PLCXD3: variants seen among roughly 807,000 people sequenced by gnomAD.
PLCXD3 encodes the protein phosphatidylinositol specific phospholipase C X domain containing 3, also known as PI-PLC X domain-containing protein 3.
Under a neutral mutation model 25.5 loss-of-function variants are expected in PLCXD3, and 19 were observed. The observed-to-expected ratio is 0.75, with a 90% CI of 0.52 to 1.09. The LOEUF (loss-of-function observed/expected upper bound fraction) is 1.09. Among genes scored for constraint, PLCXD3 ranks in the 50% least tolerant of loss-of-function variants. The probability of loss-of-function intolerance (pLI) is 0.00; values close to 1 mark genes in which losing one functional copy is unlikely to be tolerated. For missense variants in PLCXD3, 411 were observed against 388.1 expected (o/e 1.06, Z -0.50); for synonymous variants, 174 against 137.6 (o/e 1.26, Z -1.85).
chr5:41,366,548 C>CT (rs1744941962), intron 2 of PLCXD3, among the ~76,000 whole-genome samples: 1 of 152,198 alleles, frequency 6.6e-6, no homozygotes, highest in African/African-American at 2.4e-5. Flanking sequence ...AAAGAGAAGA[C>CT]TATGTTAATA....
chr5:41,394,377 C>A (rs1214473062), intron 1 of PLCXD3, among the ~76,000 whole-genome samples: 2 of 152,022 alleles, frequency 1.3e-5, no homozygotes, highest in Admixed American at 1.3e-4. Flanking sequence ...ACCTTCACTA[C>A]AGGAAGACAG....
chr5:41,503,705 A>G (rs1036340052), intron 1 of PLCXD3, among the ~76,000 whole-genome samples: 2 of 152,138 alleles, frequency 1.3e-5, no homozygotes, highest in Non-Finnish European at 2.9e-5. Context: ...GGAATATATG[A>G]TATAGACAAT....
intron 1 of PLCXD3, among the ~76,000 whole-genome samples, chr5:41,384,593 A>G (rs1229286266): frequency 6.6e-6 from 1 of 152,114 alleles, no homozygotes; most frequent in Non-Finnish European, 1.5e-5. Context: ...ATTAAGTATA[A>G]CTAGATTTCT....
chr5:41,509,415 A>T (rs1561294437), intron 1 of PLCXD3, among the ~76,000 whole-genome samples: 2 of 152,020 alleles, frequency 1.3e-5, no homozygotes, highest in Non-Finnish European at 2.9e-5. Flanking sequence ...CATTGTTGTA[A>T]ACTGTCCTGA....
intron 1 of PLCXD3, among the ~76,000 whole-genome samples, chr5:41,494,207 T>C (rs1244767625): frequency 6.6e-6 from 1 of 152,226 alleles, no homozygotes; most frequent in Non-Finnish European, 1.5e-5. Flanking sequence ...GCAATCATTC[T>C]GCCTCAGCCT....
At chr5:41,371,293 G>A (rs1290076278) in intron 2 of PLCXD3, among the ~76,000 whole-genome samples, 2 of 152,146 alleles carry the variant, frequency 1.3e-5, no homozygotes, top group African/African-American at 4.8e-5. Flanking sequence ...GAAAGAAAAA[G>A]CAGCCCCTGA....
In PLCXD3 at chr5:41,381,971, C is replaced by A. The variant is rs769371561; in HGVS notation, c.667G>T (p.Glu223Ter). 1.2e-6 allele frequency: 2 copies of A among 1,613,314 alleles called. No individual in the cohort carries two copies. Among genetic ancestry groups the A allele is most frequent in the African/African-American group, 1.3e-5 (1 of 74,834 alleles). ...GCTTGAAGAAACTGGATCAGTTTCT[C>A]GGGGTCTGTGGTGTTGGCCCAGGGT... ...PAPWANTTDP[E>*]KLIQFLQASI... The change falls in exon 2 of 3, where the codon GAG (glutamate) becomes TAG (stop). Residue 223 changes from glutamate to a stop codon, truncating the protein, a stop_gained. Transcript: ENST00000377801. LOFTEE classifies it high-confidence loss of function.
rs1201059043 is a variant in PLCXD3, at chr5:41,310,466, A to G, written c.*3151T>C. On this transcript the variant is annotated 3_prime_UTR_variant, in exon 3 of 3. Coordinates refer to ENST00000377801, the MANE Select transcript of PLCXD3 (RefSeq NM_001005473.3). ...AAGAAACAAGTAAAACAAAAAGTGC[A>G]CCAAGGTGTATCTACCACCATCTTG... 1 of 152,338 alleles carries G rather than the reference A, an allele frequency of 6.6e-6. No individual in the cohort carries two copies. The highest frequency in any genetic ancestry group is 1.5e-5 in the Non-Finnish European group (1 of 68,024). 9.4% of individuals were successfully genotyped at this position (152,338 alleles called of 1,614,324 possible).
chr5:41,438,848 C>T lies in PLCXD3; in HGVS notation c.104-56314G>A, dbSNP rs921365146. 3.3e-5 allele frequency among the ~76,000 whole-genome samples: 5 copies of T among 150,600 alleles called. No individual in the cohort carries two copies. In the East Asian group the frequency reaches 7.7e-4, roughly 23 times the overall value. ...ACAAACTATCTATATTGACTAAAGT[C>T]AGAGCATAAAAAAGCTAAGCGAACA... On this transcript the variant is annotated intron_variant, in intron 1 of 2. Transcript: ENST00000377801.
intron 1 of PLCXD3, among the ~76,000 whole-genome samples, chr5:41,393,825 G>A (rs1390151604): frequency 6.6e-6 from 1 of 152,052 alleles, no homozygotes; most frequent in African/African-American, 2.4e-5. Context: ...AGCTACTTAG[G>A]ATGCTGAGGC....
At chr5:41,462,714 G>T (rs1747917329) in intron 1 of PLCXD3, among the ~76,000 whole-genome samples, 1 of 151,874 alleles carries the variant, frequency 6.6e-6, no homozygotes, top group Non-Finnish European at 1.5e-5. Flanking sequence ...GAACCTGGGG[G>T]GCAGAGGTTG....
At chr5:41,348,876 T>G (rs1744375575) in intron 2 of PLCXD3, among the ~76,000 whole-genome samples, 1 of 152,132 alleles carries the variant, frequency 6.6e-6, no homozygotes, top group South Asian at 2.1e-4. Context: ...AGCATGGAAA[T>G]ACAGGACTGA....
chr5:41,346,700 A>G (rs928832595), intron 2 of PLCXD3, among the ~76,000 whole-genome samples: 3 of 152,182 alleles, frequency 2.0e-5, no homozygotes, highest in Admixed American at 6.5e-5. Context: ...CTCTCCAACT[A>G]TCTCTATAAA....
chr5:41,485,294 G>A (rs1483566301), intron 1 of PLCXD3, among the ~76,000 whole-genome samples: 1 of 152,170 alleles, frequency 6.6e-6, no homozygotes, highest in Admixed American at 6.5e-5. Flanking sequence ...CAATGCAGAT[G>A]TTTGGAAGAT....
chr5:41,453,995 C>G (rs1331287360), intron 1 of PLCXD3, among the ~76,000 whole-genome samples: 1 of 151,912 alleles, frequency 6.6e-6, no homozygotes, highest in Non-Finnish European at 1.5e-5. Context: ...GAGAAAAATA[C>G]CTTTTTTTGG....
intron 1 of PLCXD3, among the ~76,000 whole-genome samples, chr5:41,420,020 T>A (rs1356324314): frequency 6.6e-6 from 1 of 152,214 alleles, no homozygotes; most frequent in Non-Finnish European, 1.5e-5. Context: ...ACTCATCTAT[T>A]TTTATTTTTA....
chr5:41,362,003 A>G (rs1199951843), intron 2 of PLCXD3, among the ~76,000 whole-genome samples: 1 of 152,170 alleles, frequency 6.6e-6, no homozygotes, highest in Non-Finnish European at 1.5e-5. Context: ...TAGTACATTG[A>G]CCAAGAGAGA....
intron 1 of PLCXD3, among the ~76,000 whole-genome samples, chr5:41,435,078 T>A (rs901467633): frequency 8.5e-5 from 13 of 152,340 alleles, no homozygotes; most frequent in African/African-American, 2.9e-4. Flanking sequence ...ATTTTAGCTA[T>A]TTTTCTTTGC....
At chr5:41,394,851 G>T (rs1745948352) in intron 1 of PLCXD3, among the ~76,000 whole-genome samples, 2 of 152,240 alleles carry the variant, frequency 1.3e-5, no homozygotes, top group African/African-American at 4.8e-5. Context: ...GCTAAAGAAA[G>T]ATATAGGCCC....
Sources: gnomAD v4.1 joint callset for allele counts (sites outside exome capture counted in the v4.1 genomes callset) on GRCh38, gnomAD v4.1.1 for gene constraint, MANE v1.5 for transcripts, NCBI Gene and HGNC (gene_info 2026-07-23, HGNC 2026-07-21) for gene names.